Variants in SLC36A1 observed in about 807,000 individuals in gnomAD.
SLC36A1 encodes the protein solute carrier family 36 member 1, also known as proton-coupled amino acid transporter 1.
Under a neutral mutation model 47.5 loss-of-function variants are expected in SLC36A1, and 30 were observed. The observed-to-expected ratio is 0.63, with a 90% CI of 0.47 to 0.86. SLC36A1 has a LOEUF of 0.86. Ranked by LOEUF, SLC36A1 falls within the 40% of genes least tolerant of loss-of-function variation. SLC36A1 has a pLI of 0.00. For synonymous variants in SLC36A1, 255 were observed against 249.7 expected (o/e 1.02, Z -0.20); for missense variants, 517 against 606.0 (o/e 0.85, Z 1.54).
chr5:151,403,054 GGTTA>G, the SLC36A1 span, among the ~76,000 whole-genome samples: 72 of 151,708 alleles, frequency 4.7e-4, 2 homozygotes, highest in Admixed American at 2.0e-4. Context: ...CTAGCTTTGG[GGTTA>G]GTTTGTTTCT....
At chr5:151,355,499 A>T in the SLC36A1 span, among the ~76,000 whole-genome samples, 3 of 152,226 alleles carry the variant, frequency 2.0e-5, no homozygotes, top group East Asian at 5.8e-4. Context: ...AATCTCTTCT[A>T]GAAATGCTCA....
chr5:151,459,740 AGT>A lies in SLC36A1; in HGVS notation c.143+809_143+810del, dbSNP rs1186736007. ...CTTTTCTGTGTTTTCTTGTGGACTGAGTGTGACTTACTGAGAGATCCTTCATG... is the reference window on the plus strand; with the variant it reads ...CTTTTCTGTGTTTTCTTGTGGACTGAGTGACTTACTGAGAGATCCTTCATG... On this transcript the variant is annotated intron_variant, in intron 2 of 10. Coordinates refer to ENST00000243389, the MANE Select transcript of SLC36A1 (RefSeq NM_078483.4). The A allele has an allele frequency of 5.9e-5, 9 of 152,314 alleles. No individual in the cohort carries two copies. In the East Asian group the frequency reaches 1.7e-3, roughly 29 times the overall value. The allele number at this position is 152,314 out of a possible 1,614,324, so 9.4% of individuals were successfully genotyped here.
At chr5:151,545,922 C>T in the SLC36A1 span, 11 of 1,614,144 alleles carry the variant, frequency 6.8e-6, no homozygotes, top group South Asian at 1.1e-5. Context: ...ATGCACCTGC[C>T]ATATTGCTGC....
the SLC36A1 span, among the ~76,000 whole-genome samples, chr5:151,547,014 A>G: frequency 6.6e-6 from 1 of 152,108 alleles, no homozygotes; most frequent in Admixed American, 6.5e-5. Context: ...AATTTTTTCA[A>G]TATCCATCCA....
At chr5:151,356,309 G>T in the SLC36A1 span, among the ~76,000 whole-genome samples, 1 of 115,092 alleles carries the variant, frequency 8.7e-6, no homozygotes, top group African/African-American at 3.3e-5. Context: ...CTGCACTCCA[G>T]CCTAGGCAAC....
the SLC36A1 span, chr5:151,378,289 G>T: frequency 9.4e-6 from 2 of 213,278 alleles, no homozygotes; most frequent in African/African-American, 2.3e-5. Flanking sequence ...TTGAAAAGCA[G>T]AGTATGGCAT....
chr5:151,414,923 A>G, the SLC36A1 span, among the ~76,000 whole-genome samples: 1 of 151,866 alleles, frequency 6.6e-6, no homozygotes, highest in Non-Finnish European at 1.5e-5. Context: ...GTAGCCTCAG[A>G]CCTCCTCCAG....
intron 1 of SLC36A1, among the ~76,000 whole-genome samples, chr5:151,454,247 A>G (rs1754119601): frequency 6.6e-6 from 1 of 152,134 alleles, no homozygotes; most frequent in Non-Finnish European, 1.5e-5. Flanking sequence ...CTCACATAGT[A>G]CAACCCTCAT....
At chr5:151,453,909 C>T (rs1412992780) in intron 1 of SLC36A1, among the ~76,000 whole-genome samples, 1 of 151,682 alleles carries the variant, frequency 6.6e-6, no homozygotes, top group Non-Finnish European at 1.5e-5. Flanking sequence ...TCAGTTTGCA[C>T]ATACATTTTC....
the SLC36A1 span, chr5:151,366,689 C>T: frequency 1.3e-5 from 2 of 159,040 alleles, no homozygotes; most frequent in Non-Finnish European, 2.8e-5. Context: ...CTGGTTTCCA[C>T]TTGCCCCAGA....
Position 151,468,301 on chromosome 5 carries a change from T to TATAAA in SLC36A1, c.723+379_723+380insAAATA, listed in dbSNP as rs1554113588. Reference sequence around the variant, plus strand: ...TATATATATATATATATATTTTATATATATATATTTACATATATGTGTATA... The same window carrying TATAAA: ...TATATATATATATATATATTTTATATATAAAATATATATTTACATATATGTGTATA... On this transcript the variant is annotated intron_variant, in intron 7 of 10. Transcript: ENST00000243389. 4.1e-3 allele frequency among the ~76,000 whole-genome samples: 381 copies of TATAAA among 93,254 alleles called. 14 individuals are homozygous for TATAAA. The highest frequency in any genetic ancestry group is 0.019 in the East Asian group (49 of 2,610). 61.2% of individuals were successfully genotyped at this position (93,254 alleles called of 152,430 possible).
the SLC36A1 span, among the ~76,000 whole-genome samples, chr5:151,517,454 C>G: frequency 3.3e-5 from 5 of 152,178 alleles, no homozygotes; most frequent in African/African-American, 1.2e-4. Context: ...CTGTGGCCAT[C>G]CAGGACAGGA....
At chr5:151,439,575 C>T (rs1752500402) in intron 1 of SLC36A1, among the ~76,000 whole-genome samples, 1 of 151,206 alleles carries the variant, frequency 6.6e-6, no homozygotes. Flanking sequence ...ATTGCTTGAA[C>T]TCGGAAGGTG....
the SLC36A1 span, chr5:151,543,941 G>A: frequency 1.9e-6 from 3 of 1,614,114 alleles, no homozygotes; most frequent in Non-Finnish European, 2.5e-6. Flanking sequence ...AGAACCAGGT[G>A]TCCACAGGTT....
chr5:151,355,899 A>G, the SLC36A1 span, among the ~76,000 whole-genome samples: 1 of 152,222 alleles, frequency 6.6e-6, no homozygotes. Flanking sequence ...ATCTGGAAGG[A>G]TTCACAGTAG....
At chr5:151,514,896 A>G in the SLC36A1 span, among the ~76,000 whole-genome samples, 64 of 152,300 alleles carry the variant, frequency 4.2e-4, no homozygotes, top group East Asian at 8.3e-3. Flanking sequence ...GTTCACCACT[A>G]TATCATTCCA....
chr5:151,427,810 A>G, the SLC36A1 span, among the ~76,000 whole-genome samples: 1 of 152,216 alleles, frequency 6.6e-6, no homozygotes, highest in Non-Finnish European at 1.5e-5. Flanking sequence ...GTATTCAGAC[A>G]GAGATGGAGG....
the SLC36A1 span, among the ~76,000 whole-genome samples, chr5:151,416,681 A>G: frequency 3.3e-5 from 5 of 152,294 alleles, no homozygotes; most frequent in African/African-American, 9.6e-5. Context: ...CTGGCTGCGG[A>G]GATAGGTGAC....
At chr5:151,445,603 G>C (rs568050402), upstream of SLC36A1, among the ~76,000 whole-genome samples, 5 of 152,306 alleles carry the variant, frequency 3.3e-5, no homozygotes, top group South Asian at 1.0e-3. Context: ...ATCTGGTCTT[G>C]TTGGGAAGTT....
Sources: allele counts gnomAD v4.1 joint callset (sites outside exome capture counted in the v4.1 genomes callset), GRCh38; gene constraint gnomAD v4.1.1; transcripts MANE v1.5; gene names NCBI Gene and HGNC (gene_info 2026-07-23, HGNC 2026-07-21).